PHLDB1: variants seen among roughly 807,000 people sequenced by gnomAD.
The protein encoded by PHLDB1 is pleckstrin homology-like domain family B member 1.
A neutral mutation model predicts 139.3 loss-of-function variants in PHLDB1; 65 were observed. That is an observed-to-expected ratio of 0.47 (90% confidence interval 0.38 to 0.57). The LOEUF (loss-of-function observed/expected upper bound fraction) is 0.57, where lower values mean the gene tolerates loss of function less well. PHLDB1 is among the 20% of genes least tolerant of loss of function. PHLDB1 has a pLI of 0.00. For synonymous variants in PHLDB1, 679 were observed against 734.5 expected (o/e 0.92, Z 1.22); for missense variants, 1,624 against 1,839.7 (o/e 0.88, Z 2.14).
At chr11:118,619,845 T>C (rs1286250033) in intron 4 of PHLDB1, among the ~76,000 whole-genome samples, 1 of 152,204 alleles carries the variant, frequency 6.6e-6, no homozygotes, top group African/African-American at 2.4e-5. Flanking sequence ...GCCTGATTAT[T>C]CATCTAAGAG....
rs782508605 is a variant in PHLDB1, at chr11:118,642,313, C to G, written c.2796C>G (p.Ala932=). Reference sequence around the variant, plus strand: ...AGCAGTGGTACCAGGAGCTGATGGCCGGGCTGGGGACTGGCCCCGCTGCAG... The same window carrying G: ...AGCAGTGGTACCAGGAGCTGATGGCGGGGCTGGGGACTGGCCCCGCTGCAG... The part of the protein sequence containing the change: ...DLEQWYQELM[A]GLGTGPAAAS... Residue 932 remains alanine (A), a synonymous_variant, in exon 13 of 23, where the codon GCC becomes GCG. Transcript: ENST00000600882. The G allele has an allele frequency of 1.2e-6, 2 of 1,612,756 alleles. No individual in the cohort carries two copies. Among genetic ancestry groups the G allele is most frequent in the Non-Finnish European group, 1.7e-6 (2 of 1,179,932 alleles).
chr11:118,642,477 G>A lies in PHLDB1; in HGVS notation c.2877+83G>A. 4 of 1,458,146 alleles carry A rather than the reference G, an allele frequency of 2.7e-6. No individual in the cohort carries two copies. In the Middle Eastern group the frequency reaches 7.3e-4, roughly 267 times the overall value. The allele number at this position is 1,458,146 out of a possible 1,614,324, so 90.3% of individuals were successfully genotyped here. ...CTCCTGCCAATCCATCAGCCACACA[G>A]TACCACCTTGAGTGGAGGCGTCAGC... is the stretch of plus-strand genomic sequence containing the variant. On this transcript the variant is annotated intron_variant, in intron 13 of 22. Coordinates refer to ENST00000600882, the MANE Select transcript of PHLDB1 (RefSeq NM_001144758.3).
intron 4 of PHLDB1, 188 bp from the exon 5 acceptor site, chr11:118,624,746 A>C (rs556917885): frequency 3.3e-4 from 189 of 566,612 alleles, no homozygotes; most frequent in Non-Finnish European, 4.1e-4. Context: ...GGATTATGGG[A>C]TTACAGGCGT....
chr11:118,631,597 T>G, intron 7 of PHLDB1, 118 bp downstream of exon 7: 1 of 908,184 alleles, frequency 1.1e-6, no homozygotes, highest in Non-Finnish European at 1.6e-6. Flanking sequence ...TGGGAAGAGA[T>G]TAGAGAGCAG....
chr11:118,645,092 A>C lies in PHLDB1; in HGVS notation c.3122-264A>C. 1 of 415,792 alleles carries C rather than the reference A, an allele frequency of 2.4e-6. No homozygotes were observed. The highest frequency in any genetic ancestry group is 4.2e-6 in the Non-Finnish European group (1 of 235,610). The allele number at this position is 415,792 out of a possible 1,614,324, so 25.8% of individuals were successfully genotyped here. A position where few individuals can be genotyped will look rare whatever the true frequency, so the allele number is the denominator to read the frequency against. Reference sequence around the variant, plus strand: ...CGTGCTGCCCCAGCACTACTTGGGTAGGTTTGGTGTCCTATATGGACTCAG... The same window carrying C: ...CGTGCTGCCCCAGCACTACTTGGGTCGGTTTGGTGTCCTATATGGACTCAG... On this transcript the variant is annotated intron_variant, in intron 15 of 22. Transcript: ENST00000600882. The surrounding 1 kb of genome is among the most constrained non-coding windows in gnomAD (Gnocchi z 5.1).
intron 9 of PHLDB1, chr11:118,633,164 A>G (rs982164268): frequency 1.3e-5 from 2 of 152,244 alleles, no homozygotes; most frequent in African/African-American, 4.8e-5. Flanking sequence ...GGGCTGAGCC[A>G]TGCCCGCTTT....
chr11:118,625,076 G>A lies in PHLDB1; in HGVS notation c.481+17G>A, dbSNP rs370365961. ...CTGTTCCTGGTAGGTACCGACGGGG[G>A]CAGGGTGCTGGGTTGATGGTGTTCC... On this transcript the variant is annotated intron_variant, in intron 5 of 22. Transcript: ENST00000600882. The A allele has an allele frequency of 6.3e-7, 1 of 1,582,930 alleles. No homozygotes were observed. Among genetic ancestry groups the A allele is most frequent in the Non-Finnish European group, 8.6e-7 (1 of 1,166,392 alleles).
intron 6 of PHLDB1, chr11:118,630,099 A>T: frequency 2.4e-6 from 3 of 1,243,028 alleles, no homozygotes; most frequent in Admixed American, 4.9e-5. Flanking sequence ...GTATGAGAAC[A>T]CCTCTCCAGC....
Position 118,610,252 on chromosome 11 carries a change from C to T in PHLDB1, c.-22+2553C>T. On this transcript the variant is annotated intron_variant, in intron 1 of 22. Coordinates refer to ENST00000600882, the MANE Select transcript of PHLDB1 (RefSeq NM_001144758.3). This position sits in a 1 kb window ranked among gnomAD's most constrained non-coding sequence, Gnocchi z 8.7. ...TCCCGGTGGCTCCCCTTCCCCGCCC[C>T]GTCCCTCTGCACACCCCCATTCATC... is the stretch of plus-strand genomic sequence containing the variant. 6.6e-6 allele frequency among the ~76,000 whole-genome samples: 1 copy of T among 152,114 alleles called. No homozygotes were observed. Among genetic ancestry groups the T allele is most frequent in the East Asian group, 1.9e-4 (1 of 5,164 alleles).
rs556853093 is a variant in PHLDB1, at chr11:118,650,697, C to G, written c.3874+150C>G. 4.8e-6 allele frequency: 3 copies of G among 618,964 alleles called. No individual in the cohort carries two copies. Among genetic ancestry groups the G allele is most frequent in the Non-Finnish European group, 8.7e-6 (3 of 346,326 alleles). The allele number at this position is 618,964 out of a possible 1,614,324, so 38.3% of individuals were successfully genotyped here. On this transcript the variant is annotated intron_variant, in intron 20 of 22. Transcript: ENST00000600882. The surrounding 1 kb of genome is among the most constrained non-coding windows in gnomAD (Gnocchi z 4.7). ...TGCCCTCCTTCCCTGAAAATGTACA[C>G]AATGTACCTGGTTCACCTCCATTTT...
In PHLDB1 at chr11:118,620,913, C is replaced by G. The variant is rs1290419558; in HGVS notation, c.356-4021C>G. On this transcript the variant is annotated intron_variant, in intron 4 of 22. Coordinates refer to ENST00000600882, the MANE Select transcript of PHLDB1 (RefSeq NM_001144758.3). This position sits in a 1 kb window ranked among gnomAD's most constrained non-coding sequence, Gnocchi z 4.1. Reference sequence around the variant, plus strand: ...CTAGCTGGATCCTGTAGAGCCCCTGCTCTTTTCCTCTCCCTCTCTCTCTCA... The same window carrying G: ...CTAGCTGGATCCTGTAGAGCCCCTGGTCTTTTCCTCTCCCTCTCTCTCTCA... Among the ~76,000 whole-genome samples, 1 of 152,180 alleles carries G rather than the reference C, an allele frequency of 6.6e-6. No individual in the cohort carries two copies. The highest frequency in any genetic ancestry group is 6.5e-5 in the Admixed American group (1 of 15,284).
chr11:118,644,423 C>T (rs1270690861), intron 15 of PHLDB1: 2 of 534,932 alleles, frequency 3.7e-6, no homozygotes, highest in Non-Finnish European at 6.7e-6. Flanking sequence ...AATAAGGGAA[C>T]TGCTTGTTGA....
intron 10 of PHLDB1, chr11:118,638,052 A>G (rs1945935679): frequency 6.6e-6 from 1 of 152,240 alleles, no homozygotes; most frequent in Non-Finnish European, 1.5e-5. Context: ...AAGGCTTTGG[A>G]GAGGAGATAG....
Position 118,628,621 on chromosome 11 carries a change from C to T in PHLDB1, c.1798C>T (p.Arg600Trp), listed in dbSNP as rs1555106906. 5 of 1,611,946 alleles carry T rather than the reference C, an allele frequency of 3.1e-6. No individual in the cohort carries two copies. Among genetic ancestry groups the T allele is most frequent in the Non-Finnish European group, 4.2e-6 (5 of 1,179,588 alleles). The change falls in exon 6 of 23, where the codon CGG becomes TGG. Residue 600 changes from arginine to tryptophan, a missense_variant. Physicochemically the swap from Arg to Trp is moderately radical, Grantham distance 101. Coordinates refer to ENST00000600882, the MANE Select transcript of PHLDB1 (RefSeq NM_001144758.3). ...GTACCACCGGCGACAGCGCCAAGAGCGGCTCCGGGAGCAGGAGATGGAGAG... is the reference window on the plus strand; with the variant it reads ...GTACCACCGGCGACAGCGCCAAGAGTGGCTCCGGGAGCAGGAGATGGAGAG... ...LEYHRRQRQE[R>W]LREQEMERLE...
Position 118,632,927 on chromosome 11 carries a change from T to G in PHLDB1, c.2379+631T>G. On this transcript the variant is annotated intron_variant, in intron 9 of 22. Coordinates refer to ENST00000600882, the MANE Select transcript of PHLDB1 (RefSeq NM_001144758.3). This position sits in a 1 kb window ranked among gnomAD's most constrained non-coding sequence, Gnocchi z 5.9. ...TATTTTTCCAATAATTTAATTTTCC[T>G]TCTGGATTTTTTGAGTTTCTTCCTC... is the stretch of plus-strand genomic sequence containing the variant. 1 of 776,972 alleles carries G rather than the reference T, an allele frequency of 1.3e-6. No individual in the cohort carries two copies. The highest frequency in any genetic ancestry group is 1.6e-6 in the Non-Finnish European group (1 of 639,546). 48.1% of individuals were successfully genotyped at this position (776,972 alleles called of 1,614,324 possible).
rs1327680614 is a variant in PHLDB1 at position 118,640,135 on chromosome 11, T to C, written c.2736+884T>C. 4 of 297,152 alleles carry C rather than the reference T, an allele frequency of 1.3e-5. No individual in the cohort carries two copies. The Admixed American group carries it at 1.9e-4, about 14-fold the overall frequency. The allele number at this position is 297,152 out of a possible 1,614,324, so 18.4% of individuals were successfully genotyped here. On this transcript the variant is annotated intron_variant, in intron 12 of 22. Transcript: ENST00000600882. ...GATAGTTTCTTGGCTGGCCAGAGTT[T>C]GGGAGAGTGTGTGCGAGCATGCCAT...
rs782204383 is a variant in PHLDB1 at position 118,655,816 on chromosome 11, CTCTT to C, written c.3961-42_3961-39del. The C allele has an allele frequency of 3.2e-6, 5 of 1,587,202 alleles. No individual in the cohort carries two copies. The East Asian group carries it at 6.7e-5, about 21-fold the overall frequency. On this transcript the variant is annotated intron_variant, in intron 21 of 22. Coordinates refer to ENST00000600882, the MANE Select transcript of PHLDB1 (RefSeq NM_001144758.3). Reference sequence around the variant, plus strand: ...CAGAGGCTCCAACCCAGTCCTTGTTCTCTTTGTCAACTTTCTCTTCCTTTCTCCC... The same window carrying C: ...CAGAGGCTCCAACCCAGTCCTTGTTCTGTCAACTTTCTCTTCCTTTCTCCC...
At chr11:118,639,807 G>A in intron 12 of PHLDB1, 1 of 983,846 alleles carries the variant, frequency 1.0e-6, no homozygotes, top group South Asian at 4.6e-5. Flanking sequence ...CCTGCGGTGG[G>A]GAACTGGGCC....
Position 118,628,185 on chromosome 11 carries a change from G to A in PHLDB1, c.1362G>A (p.Met454Ile), listed in dbSNP as rs782439715. ...PRLGRRGLDS[M>I]RELPPLSPSL... ...TGGGCCGGCGGGGCCTGGACAGTAT[G>A]CGAGAACTACCCCCCTTAAGTCCAT... Residue 454 changes from methionine (M) to isoleucine (I), a missense_variant, in exon 6 of 23, where the codon ATG becomes ATA. Transcript: ENST00000600882. The A allele has an allele frequency of 6.2e-7, 1 of 1,614,082 alleles. No individual in the cohort carries two copies. Among genetic ancestry groups the A allele is most frequent in the South Asian group, 1.1e-5 (1 of 91,076 alleles).
Sources: allele counts gnomAD v4.1 joint callset (sites outside exome capture counted in the v4.1 genomes callset), GRCh38; gene constraint gnomAD v4.1.1; non-coding constraint Gnocchi (gnomAD v3.1); transcripts MANE v1.5; gene names NCBI Gene and HGNC (gene_info 2026-07-23, HGNC 2026-07-21).